The following A1CF variants were observed in gnomAD, a reference collection of about 807,000 sequenced individuals.
A1CF encodes APOBEC-1 stimulating protein.
A1CF carries 48 observed loss-of-function variants against 68.9 expected under a neutral mutation model. That is an observed-to-expected ratio of 0.70 (90% CI 0.55 to 0.89). A1CF has a LOEUF of 0.89. Among genes scored for constraint, A1CF ranks in the 40% least tolerant of loss-of-function variants. The pLI, the probability that A1CF is intolerant of heterozygous loss-of-function variation, is 0.00. For synonymous variants in A1CF, 272 were observed against 260.4 expected, an observed-to-expected ratio of 1.04 and a Z score of -0.43; for missense variants, 653 against 718.9, an observed-to-expected ratio of 0.91 and a Z score of 1.05.
intron 6 of A1CF, 87 bp downstream of exon 6, chr10:50,835,987 C>T: frequency 2.4e-6 from 3 of 1,273,190 alleles, no homozygotes; most frequent in Non-Finnish European, 3.2e-6. Flanking sequence ...TGAAAGATAG[C>T]CAAAAAAAAT....
At chr10:50,815,430 T>G (rs1838317744) in intron 9 of A1CF, among the ~76,000 whole-genome samples, 1 of 152,162 alleles carries the variant, frequency 6.6e-6, no homozygotes, top group South Asian at 2.1e-4. Context: ...ATTAAAGAAA[T>G]ATAGTAATGT....
chr10:50,859,201 A>AT (rs905688639), intron 3 of A1CF, among the ~76,000 whole-genome samples: 8 of 152,140 alleles, frequency 5.3e-5, no homozygotes, highest in African/African-American at 1.4e-4. Context: ...CTAACACTAC[A>AT]TTTTTTTAAA....
chr10:50,814,136 G>A, intron 9 of A1CF, 98 bp from the exon 10 acceptor site: 1 of 1,399,306 alleles, frequency 7.1e-7, no homozygotes, highest in Non-Finnish European at 9.8e-7. Context: ...TAATGGAAAA[G>A]TTAGCCCAAT....
intron 6 of A1CF, among the ~76,000 whole-genome samples, chr10:50,831,664 G>T (rs562759500): frequency 6.6e-6 from 1 of 152,314 alleles, no homozygotes; most frequent in Non-Finnish European, 1.5e-5. Context: ...GGAGGCAGAG[G>T]TTGCAGTGAG....
chr10:50,859,466 T>G (rs1425787125), intron 3 of A1CF, among the ~76,000 whole-genome samples: 1 of 152,142 alleles, frequency 6.6e-6, no homozygotes, highest in South Asian at 2.1e-4. Flanking sequence ...AAGTCTTAGG[T>G]GTGCAGTGAT....
intron 3 of A1CF, among the ~76,000 whole-genome samples, chr10:50,844,443 G>T (rs1839911414): frequency 6.6e-6 from 1 of 151,934 alleles, no homozygotes; most frequent in South Asian, 2.1e-4. Context: ...AGAGTAAATA[G>T]ATCAGGGTAA....
rs1205292297 is a variant in A1CF at position 50,815,963 on chromosome 10, G to C, written c.1141+43C>G. 13 of 1,596,152 alleles carry C rather than the reference G, an allele frequency of 8.1e-6. No homozygotes were observed. In the South Asian group the frequency reaches 1.0e-4, roughly 12 times the overall value. The stretch of plus-strand genomic sequence containing the variant: ...AAGGCTACTGCAATTTGAGTCATTT[G>C]AAATCTTGGGATTACTCTAAAGCAA... On this transcript the variant is annotated intron_variant, in intron 9 of 12. Transcript: ENST00000373997.
chr10:50,825,269 C>T (rs1303162321), intron 7 of A1CF, among the ~76,000 whole-genome samples: 5 of 152,152 alleles, frequency 3.3e-5, no homozygotes, highest in Non-Finnish European at 5.9e-5. Context: ...TGCCAGGAGA[C>T]TGGGAAATTC....
chr10:50,829,821 C>G (rs1362072865), intron 6 of A1CF, among the ~76,000 whole-genome samples: 2 of 152,158 alleles, frequency 1.3e-5, no homozygotes, highest in Non-Finnish European at 2.9e-5. Flanking sequence ...AATAATGAAA[C>G]CTGGGTTCCA....
At chr10:50,856,633 G>C (rs534412874) in intron 3 of A1CF, among the ~76,000 whole-genome samples, 1 of 152,082 alleles carries the variant, frequency 6.6e-6, no homozygotes, top group Non-Finnish European at 1.5e-5. Context: ...AATAACAACA[G>C]AATCTTAATC....
At chr10:50,856,564 T>C (rs530198547) in intron 3 of A1CF, among the ~76,000 whole-genome samples, 1 of 152,208 alleles carries the variant, frequency 6.6e-6, no homozygotes, top group South Asian at 2.1e-4. Context: ...AAAATTGCAA[T>C]CTTAAAAGTC....
chr10:50,819,909 C>T (rs558696777), intron 8 of A1CF, among the ~76,000 whole-genome samples: 1 of 152,298 alleles, frequency 6.6e-6, no homozygotes, highest in South Asian at 2.1e-4. Context: ...ATACTTTGCA[C>T]GAGTTTGTGT....
chr10:50,841,246 T>A (rs1839760537), intron 5 of A1CF, among the ~76,000 whole-genome samples: 1 of 152,220 alleles, frequency 6.6e-6, no homozygotes, highest in Non-Finnish European at 1.5e-5. Flanking sequence ...TCTCCAACTG[T>A]ATTGCTTTCA....
At chr10:50,884,946 A>G (rs1279267857) in intron 1 of A1CF, among the ~76,000 whole-genome samples, 1 of 152,246 alleles carries the variant, frequency 6.6e-6, no homozygotes, top group Non-Finnish European at 1.5e-5. Context: ...TATAATAATT[A>G]GCCATTCCAA....
intron 1 of A1CF, among the ~76,000 whole-genome samples, chr10:50,868,637 A>C (rs1046008390): frequency 2.0e-5 from 3 of 152,222 alleles, no homozygotes; most frequent in Non-Finnish European, 2.9e-5. Flanking sequence ...ATTTAAGCCA[A>C]GACAAGGCTT....
chr10:50,850,653 C>A, intron 3 of A1CF: 2 of 1,613,876 alleles, frequency 1.2e-6, no homozygotes, highest in Admixed American at 1.7e-5. Flanking sequence ...ACTTCTAAGA[C>A]CCTCTGCTTA....
intron 1 of A1CF, among the ~76,000 whole-genome samples, chr10:50,874,550 T>C (rs1841417389): frequency 6.6e-6 from 1 of 152,202 alleles, no homozygotes; most frequent in African/African-American, 2.4e-5. Flanking sequence ...GTTGCAATAG[T>C]ACGAGATTTA....
In A1CF at chr10:50,806,578, CTATAATTGG is replaced by C; in HGVS notation, c.*142_*150del. 1 of 555,198 alleles carries C rather than the reference CTATAATTGG, an allele frequency of 1.8e-6. No individual in the cohort carries two copies. Among genetic ancestry groups the C allele is most frequent in the Admixed American group, 4.2e-5 (1 of 23,622 alleles). The allele number at this position is 555,198 out of a possible 1,614,324, so 34.4% of individuals were successfully genotyped here. A position where few individuals can be genotyped will look rare whatever the true frequency, so the allele number is the denominator to read the frequency against. The stretch of plus-strand genomic sequence containing the variant: ...AGAATAACGTTCTTACTTCATGATT[CTATAATTGG>C]TATAAGCTATACAGTCTCTGGAAAG... On this transcript the variant is annotated 3_prime_UTR_variant, in exon 13 of 13. Coordinates refer to ENST00000373997, the MANE Select transcript of A1CF (RefSeq NM_014576.4).
At chr10:50,840,575 T>G (rs936419349) in intron 5 of A1CF, among the ~76,000 whole-genome samples, 1 of 152,222 alleles carries the variant, frequency 6.6e-6, no homozygotes, top group African/African-American at 2.4e-5. Context: ...ATCAGACAAT[T>G]TCATGATGTC....
Sources: gnomAD v4.1 joint callset for allele counts (sites outside exome capture counted in the v4.1 genomes callset) on GRCh38, gnomAD v4.1.1 for gene constraint, MANE v1.5 for transcripts, NCBI Gene and HGNC (gene_info 2026-07-23, HGNC 2026-07-21) for gene names.